The following RANGAP1 variants were observed in gnomAD, a reference collection of about 807,000 sequenced individuals.
RANGAP1 encodes Ran GTPase activating protein 1.
In RANGAP1, 38 loss-of-function variants were observed where a neutral mutation model predicts 63.5. The ratio of observed to expected loss-of-function variants is 0.60; its 90% CI spans 0.46 to 0.78. The LOEUF (loss-of-function observed/expected upper bound fraction) is 0.78. Ranked by LOEUF, RANGAP1 falls within the 30% of genes least tolerant of loss-of-function variation. The pLI is 0.00. For synonymous variants in RANGAP1, 329 were observed against 310.5 expected (o/e 1.06, Z -0.63); for missense variants, 630 against 740.3 (o/e 0.85, Z 1.73).
At chr22:41,293,132 G>A in the RANGAP1 span, among the ~76,000 whole-genome samples, 3 of 151,940 alleles carry the variant, frequency 2.0e-5, no homozygotes, top group Non-Finnish European at 4.4e-5. Context: ...CTACTTGGGA[G>A]GCTGAGGCAG....
At chr22:41,267,960 G>A in intron 4 of RANGAP1, 137 bp downstream of exon 4, 4 of 884,756 alleles carry the variant, frequency 4.5e-6, no homozygotes, top group Middle Eastern at 6.6e-4. Flanking sequence ...TGCTGGACTT[G>A]CCGGGCTTCC....
intron 15 of RANGAP1, among the ~76,000 whole-genome samples, chr22:41,249,000 G>C (rs2145672177): frequency 6.6e-6 from 1 of 152,316 alleles, no homozygotes; most frequent in African/African-American, 2.4e-5. Context: ...CTGGACACTG[G>C]CCCAGCCTCT....
Position 41,280,484 on chromosome 22 carries a change from C to G in RANGAP1, c.112+449G>C, listed in dbSNP as rs192907032. On this transcript the variant is annotated intron_variant, in intron 2 of 15. Coordinates refer to ENST00000356244, the MANE Select transcript of RANGAP1 (RefSeq NM_002883.4). The stretch of plus-strand genomic sequence containing the variant: ...TCCCAGGTACATCTGGTTGCATGAA[C>G]CAGCATCTCCCAAGAGGGCCCAGGT... Among the ~76,000 whole-genome samples, 46 of 152,334 alleles carry G rather than the reference C, an allele frequency of 3.0e-4. No individual in the cohort carries two copies. The East Asian group carries it at 8.9e-3, about 29-fold the overall frequency.
Position 41,274,707 on chromosome 22 carries a change from T to C in RANGAP1, c.133A>G (p.Ile45Val). The change falls in exon 3 of 16, where the codon ATT becomes GTT. Residue 45 changes from isoleucine to valine, a missense_variant. Physicochemically the swap from Ile to Val is conservative, Grantham distance 29 (BLOSUM62 3). This residue lies in a region of RANGAP1 where 65 missense variants were observed against 60.5 expected (regional missense o/e 1.07). Coordinates refer to ENST00000356244, the MANE Select transcript of RANGAP1 (RefSeq NM_002883.4). ...GCCTCCAAGCTGTCAAAGTCTTCAA[T>C]CTCTTTAATCACATCTTTAGCTGCC... is the stretch of plus-strand genomic sequence containing the variant. ...AEDAKDVIKE[I>V]EDFDSLEALR... 1 of 1,614,144 alleles carries C rather than the reference T, an allele frequency of 6.2e-7. No individual in the cohort carries two copies. Among genetic ancestry groups the C allele is most frequent in the Non-Finnish European group, 8.5e-7 (1 of 1,180,010 alleles).
chr22:41,277,116 T>C (rs1340178763), intron 2 of RANGAP1, among the ~76,000 whole-genome samples: 5 of 137,422 alleles, frequency 3.6e-5, no homozygotes, highest in African/African-American at 8.2e-5. Context: ...CTCGCTCTGT[T>C]GCCCAGGCTG....
rs140476104 is a variant in RANGAP1 at position 41,277,829 on chromosome 22, G to C, written c.113-3102C>G. 2.2e-3 allele frequency among the ~76,000 whole-genome samples: 338 copies of C among 152,256 alleles called. 2 individuals carry two copies. The highest frequency in any genetic ancestry group is 6.8e-3 in the Middle Eastern group (2 of 294). ...ACCTCTCCCTGCCTTACTTCCCAGA[G>C]CCTTTTCACTTGTTTTCATAGAGTA... is the stretch of plus-strand genomic sequence containing the variant. On this transcript the variant is annotated intron_variant, in intron 2 of 15. Coordinates refer to ENST00000356244, the MANE Select transcript of RANGAP1 (RefSeq NM_002883.4).
intron 2 of RANGAP1, among the ~76,000 whole-genome samples, chr22:41,276,769 A>G (rs573369805): frequency 2.6e-5 from 4 of 151,930 alleles, no homozygotes; most frequent in South Asian, 4.2e-4. Context: ...TGAGGTCAGG[A>G]GTTCAGGAGT....
At chr22:41,292,012 C>T in the RANGAP1 span, among the ~76,000 whole-genome samples, 17 of 152,126 alleles carry the variant, frequency 1.1e-4, no homozygotes, top group Non-Finnish European at 2.1e-4. Flanking sequence ...AGGAGGTTCT[C>T]TTGAACCTCT....
upstream of RANGAP1, among the ~76,000 whole-genome samples, chr22:41,288,142 T>G (rs2035795343): frequency 6.6e-6 from 1 of 152,146 alleles, no homozygotes; most frequent in Non-Finnish European, 1.5e-5. Flanking sequence ...AGAGTGTAAC[T>G]CTCCCAGTTC....
chr22:41,281,661 CAG>C, intron 1 of RANGAP1: 1 of 986,202 alleles, frequency 1.0e-6, no homozygotes, highest in Non-Finnish European at 1.2e-6. Context: ...AATGGCCCCT[CAG>C]GGGTTTCTAG....
Position 41,257,203 on chromosome 22 carries a change from G to C in RANGAP1, c.775-379C>G, listed in dbSNP as rs1167335601. On this transcript the variant is annotated intron_variant, in intron 7 of 15. Transcript: ENST00000356244. The surrounding 1 kb of genome is among the most constrained non-coding windows in gnomAD (Gnocchi z 4.0). ...CTTCCAGGAAGCCTGCCCTAAGTCTGATTTGAACTTCCTTCTGGCGTGTTC... is the reference window on the plus strand; with the variant it reads ...CTTCCAGGAAGCCTGCCCTAAGTCTCATTTGAACTTCCTTCTGGCGTGTTC... Among the ~76,000 whole-genome samples, 1 of 152,114 alleles carries C rather than the reference G, an allele frequency of 6.6e-6. No individual in the cohort carries two copies. Among genetic ancestry groups the C allele is most frequent in the Non-Finnish European group, 1.5e-5 (1 of 68,036 alleles).
chr22:41,297,038 C>T, the RANGAP1 span, among the ~76,000 whole-genome samples: 2 of 152,130 alleles, frequency 1.3e-5, no homozygotes, highest in South Asian at 2.1e-4. Context: ...CGGTGAAAAC[C>T]GTTACTACCA....
intron 13 of RANGAP1, 80 bp from the exon 14 acceptor site, chr22:41,249,897 C>T (rs1420820029): frequency 7.8e-6 from 10 of 1,277,598 alleles, no homozygotes; most frequent in African/African-American, 5.9e-5. Context: ...CCCCCAACAC[C>T]GCGCAGACAC....
chr22:41,268,226 G>C, intron 3 of RANGAP1, 70 bp from the exon 4 acceptor site: 1 of 1,293,682 alleles, frequency 7.7e-7, no homozygotes, highest in East Asian at 2.5e-5. Flanking sequence ...GCCTCATCCT[G>C]GTGGATTTGA....
the RANGAP1 span, among the ~76,000 whole-genome samples, chr22:41,299,234 G>T: frequency 6.6e-6 from 1 of 151,968 alleles, no homozygotes; most frequent in Non-Finnish European, 1.5e-5. Flanking sequence ...CCAGGTTCAA[G>T]CCATTCTCCT....
chr22:41,263,034 A>T (rs1256877737), intron 5 of RANGAP1, among the ~76,000 whole-genome samples: 1 of 152,226 alleles, frequency 6.6e-6, no homozygotes, highest in Non-Finnish European at 1.5e-5. Context: ...GCCGAGACCC[A>T]GAGACCTAAT....
chr22:41,294,020 ACTC>A, the RANGAP1 span, among the ~76,000 whole-genome samples: 2 of 136,906 alleles, frequency 1.5e-5, no homozygotes, highest in African/African-American at 5.5e-5. Flanking sequence ...AGAAAAATCT[ACTC>A]CTCTCCCTCT....
At chr22:41,293,752 C>G in the RANGAP1 span, among the ~76,000 whole-genome samples, 1 of 131,642 alleles carries the variant, frequency 7.6e-6, no homozygotes, top group African/African-American at 3.1e-5. Flanking sequence ...GCACTCCAGA[C>G]TCTGTCTCAA....
intron 6 of RANGAP1, among the ~76,000 whole-genome samples, chr22:41,260,209 T>C (rs1391969191): frequency 1.3e-5 from 2 of 152,188 alleles, no homozygotes; most frequent in Non-Finnish European, 2.9e-5. Context: ...TCTATCCACA[T>C]ACTGGGGGGG....
Sources: allele counts gnomAD v4.1 joint callset (sites outside exome capture counted in the v4.1 genomes callset), GRCh38; gene constraint gnomAD v4.1.1; regional missense constraint gnomAD v4.1.1; non-coding constraint Gnocchi (gnomAD v3.1); transcripts MANE v1.5; gene names NCBI Gene and HGNC (gene_info 2026-07-23, HGNC 2026-07-21).